Variants in FANCI observed in about 807,000 individuals in gnomAD.
FANCI encodes FA complementation group I.
Under a neutral mutation model 176.1 loss-of-function variants are expected in FANCI, and 156 were observed. The ratio of observed to expected loss-of-function variants is 0.89; its 90% CI spans 0.78 to 1.01. FANCI has a LOEUF of 1.01. Ranked by LOEUF, FANCI falls within the 50% of genes least tolerant of loss-of-function variation. The pLI is 0.00. For missense variants in FANCI, 1,678 were observed against 1,534.1 expected, an observed-to-expected ratio of 1.09 and a Z score of -1.57; for synonymous variants, 613 against 541.7, an observed-to-expected ratio of 1.13 and a Z score of -1.83.
At chr15:89,290,787 C>T (rs1164359083) in intron 19 of FANCI, among the ~76,000 whole-genome samples, 4 of 152,006 alleles carry the variant, frequency 2.6e-5, no homozygotes, top group African/African-American at 9.7e-5. Context: ...CCTTTAGACC[C>T]CTAGTCTATC....
chr15:89,262,491 T>C (rs1322139878), intron 6 of FANCI, among the ~76,000 whole-genome samples: 1 of 152,114 alleles, frequency 6.6e-6, no homozygotes. Flanking sequence ...AATGTATACA[T>C]CAAAGATGAA....
At chr15:89,275,994 T>C (rs2053396691) in intron 12 of FANCI, among the ~76,000 whole-genome samples, 1 of 152,248 alleles carries the variant, frequency 6.6e-6, no homozygotes, top group South Asian at 2.1e-4. Context: ...CTTCAGAGTA[T>C]GAATATTGTT....
chr15:89,278,484 G>T (rs2053489359), intron 13 of FANCI, among the ~76,000 whole-genome samples: 1 of 152,178 alleles, frequency 6.6e-6, no homozygotes, highest in Admixed American at 6.5e-5. Flanking sequence ...AATAAACATG[G>T]TATTTATCCT....
rs2054465586 is a variant in FANCI, at chr15:89,299,951, T to C, written c.2788T>C (p.Phe930Leu). The C allele has an allele frequency of 1.9e-6, 3 of 1,613,908 alleles. No individual in the cohort carries two copies. The African/African-American group carries it at 4.0e-5, about 22-fold the overall frequency. The change falls in exon 25 of 38, where the codon TTT becomes CTT. Residue 930 changes from phenylalanine to leucine, a missense_variant. This residue lies in a region of FANCI where 1,204 missense variants were observed against 1,077.4 expected (regional missense o/e 1.12). Transcript: ENST00000310775. ...QQFYQPKIQQ[F>L]LRALDVTDKE... ...GTTCTATCAGCCCAAGATTCAGCAGTTTCTCAGAGCTCTGGGTAAGCATTG... is the reference window on the plus strand; with the variant it reads ...GTTCTATCAGCCCAAGATTCAGCAGCTTCTCAGAGCTCTGGGTAAGCATTG...
intron 18 of FANCI, among the ~76,000 whole-genome samples, chr15:89,289,604 C>A (rs1034537528): frequency 1.3e-5 from 2 of 152,094 alleles, no homozygotes; most frequent in Non-Finnish European, 2.9e-5. Context: ...CCGTGTCTGG[C>A]CTGTTTCTTT....
intron 2 of FANCI, among the ~76,000 whole-genome samples, chr15:89,252,552 C>T (rs1398404696): frequency 6.6e-6 from 1 of 151,932 alleles, no homozygotes; most frequent in Non-Finnish European, 1.5e-5. Context: ...CTAGCCTGGC[C>T]AACATGGTGA....
chr15:89,290,989 C>CA (rs2054043654), intron 19 of FANCI, among the ~76,000 whole-genome samples: 1 of 152,152 alleles, frequency 6.6e-6, no homozygotes, highest in African/African-American at 2.4e-5. Flanking sequence ...AAACTGTAAT[C>CA]AACACATCTA....
intron 18 of FANCI, 98 bp from the exon 19 acceptor site, chr15:89,290,115 G>A: frequency 1.0e-6 from 1 of 986,626 alleles, no homozygotes. Context: ...GGAAAAAACT[G>A]AGAAGAGGAT....
In FANCI at chr15:89,261,873, T is replaced by C; in HGVS notation, c.498T>C (p.Ser166=). 6.2e-7 allele frequency: 1 copy of C among 1,614,036 alleles called. No individual in the cohort carries two copies. The highest frequency in any genetic ancestry group is 8.5e-7 in the Non-Finnish European group (1 of 1,179,916). Residue 166 remains serine, a synonymous_variant, in exon 6 of 38, where the codon TCT becomes TCC. Transcript: ENST00000310775. Reference sequence around the variant, plus strand: ...AACAGTTGATTAACACCCTGTGTTCTGGCAGGTGAGTCTTGTTAATATGTA... The same window carrying C: ...AACAGTTGATTAACACCCTGTGTTCCGGCAGGTGAGTCTTGTTAATATGTA... ...CKKQLINTLC[S]GRWDQQYVIQ... is the part of the protein sequence containing the mutation.
At chr15:89,290,767 C>A (rs1489150618) in intron 19 of FANCI, among the ~76,000 whole-genome samples, 1 of 152,110 alleles carries the variant, frequency 6.6e-6, no homozygotes, top group African/African-American at 2.4e-5. Context: ...GACTCTCTAC[C>A]AGGAGGGTTC....
At position 89,312,905 on chromosome 15, in the gene FANCI, ATAAGAG is replaced by A. The variant is rs770486438; in HGVS notation, c.3660_3665del (p.Lys1221_Ser1222del). The stretch of plus-strand genomic sequence containing the variant: ...GAGAATGTGTTTCTATTTCTTTAGA[ATAAGAG>A]TAAGAGCCTGAACTATACGGGAGAG... On this transcript the variant is annotated inframe_deletion and splice_region_variant, in exon 35 of 38. Coordinates refer to ENST00000310775, the MANE Select transcript of FANCI (RefSeq NM_001113378.2). The A allele has an allele frequency of 5.0e-6, 8 of 1,612,860 alleles. No homozygotes were observed. Among genetic ancestry groups the A allele is most frequent in the Non-Finnish European group, 5.9e-6 (7 of 1,178,912 alleles).
intron 13 of FANCI, 99 bp from the exon 14 acceptor site, chr15:89,278,588 C>T: frequency 1.2e-6 from 1 of 826,824 alleles, no homozygotes; most frequent in African/African-American, 1.7e-5. Context: ...TTGAGTTTTA[C>T]TCATATCCAA....
intron 32 of FANCI, 41 bp downstream of exon 32, chr15:89,306,235 C>A (rs370974309): frequency 1.3e-6 from 2 of 1,599,346 alleles, no homozygotes; most frequent in Admixed American, 3.3e-5. Flanking sequence ...ACCATTCTAC[C>A]CCAGTGAGCC....
chr15:89,247,519 AGCACCCATT>A (rs539864504), intron 1 of FANCI, 101 bp from the exon 2 acceptor site: 89 of 785,834 alleles, frequency 1.1e-4, no homozygotes, highest in East Asian at 6.4e-4. Context: ...AAGTTTGTTG[AGCACCCATT>A]GCATAATAGG....
At chr15:89,246,760 TTTC>T (rs2051994542) in intron 1 of FANCI, among the ~76,000 whole-genome samples, 1 of 121,178 alleles carries the variant, frequency 8.3e-6, no homozygotes, top group African/African-American at 3.2e-5. Context: ...TCTTTCTTCC[TTTC>T]TTTTTTTTTT....
chr15:89,263,784 A>T, intron 7 of FANCI, 119 bp from the exon 8 acceptor site: 1 of 1,217,956 alleles, frequency 8.2e-7, no homozygotes, highest in South Asian at 1.3e-5. Flanking sequence ...CTCTGCTCCC[A>T]AGTTTCATTT....
chr15:89,250,307 A>G (rs1012147072), intron 2 of FANCI, among the ~76,000 whole-genome samples: 3 of 152,132 alleles, frequency 2.0e-5, no homozygotes, highest in Non-Finnish European at 2.9e-5. Flanking sequence ...GTGTCCAACA[A>G]TGATAGACTG....
intron 10 of FANCI, 33 bp downstream of exon 10, chr15:89,268,558 C>CT (rs151141462): frequency 1.2e-6 from 2 of 1,613,158 alleles, no homozygotes; most frequent in Admixed American, 1.7e-5. Context: ...ATCTGGGTCT[C>CT]TTTTGAATGA....
At position 89,281,752 on chromosome 15, in the gene FANCI, G is replaced by C. The variant is rs1451472127; in HGVS notation, c.1513-13G>C. 1 of 1,613,348 alleles carries C rather than the reference G, an allele frequency of 6.2e-7. No homozygotes were observed. The highest frequency in any genetic ancestry group is 2.2e-5 in the East Asian group (1 of 44,862). ...CAAACTTGTTCTGTTTTTACCCACT[G>C]ATTCTTTTTCAGCCCCTTCTCAAAG... On this transcript the variant is annotated splice_polypyrimidine_tract_variant and intron_variant, in intron 15 of 37. Transcript: ENST00000310775.
Sources: allele counts gnomAD v4.1 joint callset (sites outside exome capture counted in the v4.1 genomes callset), GRCh38; gene constraint gnomAD v4.1.1; regional missense constraint gnomAD v4.1.1; transcripts MANE v1.5; gene names NCBI Gene and HGNC (gene_info 2026-07-23, HGNC 2026-07-21).